The following DYNC2H1 variants were observed in gnomAD, a reference collection of about 807,000 sequenced individuals.
The protein encoded by DYNC2H1 is cytoplasmic dynein 2 heavy chain 1.
Under a neutral mutation model 570.0 loss-of-function variants are expected in DYNC2H1, and 410 were observed. The observed-to-expected ratio is 0.72, with a 90% CI of 0.66 to 0.78. DYNC2H1 has a LOEUF of 0.78. Among genes scored for constraint, DYNC2H1 ranks in the 30% least tolerant of loss-of-function variants. The pLI, the probability that DYNC2H1 is intolerant of heterozygous loss-of-function variation, is 0.00. For synonymous variants in DYNC2H1, 1,688 were observed against 1,677.6 expected (o/e 1.01, Z -0.15); for missense variants, 4,865 against 5,046.4 (o/e 0.96, Z 1.09).
rs767017258 is a variant in DYNC2H1 at position 103,135,708 on chromosome 11, A to T, written c.2346-12A>T. 4 of 1,604,462 alleles carry T rather than the reference A, an allele frequency of 2.5e-6. No homozygotes were observed. Among genetic ancestry groups the T allele is most frequent in the Non-Finnish European group, 2.6e-6 (3 of 1,175,130 alleles). ...AACAATTTATGTTTTAAAGTTATTT[A>T]TTTACTTTTAGACAGGGACGATTAC... On this transcript the variant is annotated splice_polypyrimidine_tract_variant and intron_variant, in intron 16 of 88. Coordinates refer to ENST00000375735, the MANE Select transcript of DYNC2H1 (RefSeq NM_001377.3).
At chr11:103,361,944 A>C (rs1015629111) in intron 83 of DYNC2H1, among the ~76,000 whole-genome samples, 1 of 152,226 alleles carries the variant, frequency 6.6e-6, no homozygotes, top group Non-Finnish European at 1.5e-5. Flanking sequence ...AAAAGTGGTC[A>C]CTGGTGACCT....
At chr11:103,404,975 T>A (rs1459911486) in intron 84 of DYNC2H1, 1 of 151,978 alleles carries the variant, frequency 6.6e-6, no homozygotes, top group Non-Finnish European at 1.5e-5. Context: ...ACTGTAAATA[T>A]ATGGTGAGCT....
Position 103,264,797 on chromosome 11 carries a change from G to A in DYNC2H1, c.10695+4820G>A, listed in dbSNP as rs1280701492. Among the ~76,000 whole-genome samples the A allele has an allele frequency of 6.6e-6, 1 of 152,144 alleles. No individual in the cohort carries two copies. The highest frequency in any genetic ancestry group is 1.5e-5 in the Non-Finnish European group (1 of 68,020). ...GGCAAAAGCTGGAAGCATTCCCTTTGAAAACCAGCACATGATAAGGATGCC... is the reference window on the plus strand; with the variant it reads ...GGCAAAAGCTGGAAGCATTCCCTTTAAAAACCAGCACATGATAAGGATGCC... On this transcript the variant is annotated intron_variant, in intron 70 of 88. Coordinates refer to ENST00000375735, the MANE Select transcript of DYNC2H1 (RefSeq NM_001377.3). This position sits in a 1 kb window ranked among gnomAD's most constrained non-coding sequence, Gnocchi z 4.8.
At chr11:103,368,752 G>T (rs141251429) in intron 83 of DYNC2H1, among the ~76,000 whole-genome samples, 1,705 of 152,090 alleles carry the variant, frequency 0.011, 34 homozygotes, top group African/African-American at 0.039. Context: ...TTTTATTTTT[G>T]TATATAATGA....
intron 84 of DYNC2H1, chr11:103,408,032 G>A (rs1353399119): frequency 6.6e-6 from 1 of 151,964 alleles, no homozygotes; most frequent in East Asian, 1.9e-4. Context: ...CCTGATCATA[G>A]AATAGATGGC....
rs925110985 is a variant in DYNC2H1 at position 103,204,979 on chromosome 11, T to C, written c.8454+15T>C. The C allele has an allele frequency of 3.9e-6, 6 of 1,540,040 alleles. No individual in the cohort carries two copies. In the African/African-American group the frequency reaches 5.5e-5, roughly 14 times the overall value. ...GTATGAAGAAAGTAAGTTTAACAAA[T>C]ATTAAAAAATTTAAAAGCACATTTT... On this transcript the variant is annotated intron_variant, in intron 52 of 88. Coordinates refer to ENST00000375735, the MANE Select transcript of DYNC2H1 (RefSeq NM_001377.3). This position sits in a 1 kb window ranked among gnomAD's most constrained non-coding sequence, Gnocchi z 4.1.
chr11:103,121,062 T>G lies in DYNC2H1; in HGVS notation c.1360+26T>G, dbSNP rs1333602784. The G allele has an allele frequency of 5.0e-6, 7 of 1,389,496 alleles. No individual in the cohort carries two copies. The South Asian group carries it at 1.1e-4, about 22-fold the overall frequency. 86.1% of individuals were successfully genotyped at this position (1,389,496 alleles called of 1,614,324 possible). On this transcript the variant is annotated intron_variant, in intron 9 of 88. Transcript: ENST00000375735. ...GTAAAAGTTTATGAGATTATAGTGTTTGCTTGAGAGAATATTTTTGTATAT... is the reference window on the plus strand; with the variant it reads ...GTAAAAGTTTATGAGATTATAGTGTGTGCTTGAGAGAATATTTTTGTATAT...
rs567631259 is a variant in DYNC2H1, at chr11:103,278,472, T to C, written c.10696-1876T>C. On this transcript the variant is annotated intron_variant, in intron 70 of 88. Coordinates refer to ENST00000375735, the MANE Select transcript of DYNC2H1 (RefSeq NM_001377.3). ...AGAAGGAAACTGAGGTCAAGAGAGATGATGTAATTTGTTTCTGGCTAAGGT... is the reference window on the plus strand; with the variant it reads ...AGAAGGAAACTGAGGTCAAGAGAGACGATGTAATTTGTTTCTGGCTAAGGT... Among the ~76,000 whole-genome samples, 31 of 152,248 alleles carry C rather than the reference T, an allele frequency of 2.0e-4. No homozygotes were observed. The East Asian group carries it at 5.4e-3, about 27-fold the overall frequency.
intron 47 of DYNC2H1, 69 bp downstream of exon 47, chr11:103,192,333 G>A (rs1474736763): frequency 3.3e-6 from 4 of 1,227,694 alleles, no homozygotes; most frequent in Non-Finnish European, 3.2e-6. Context: ...CTTACCCAGA[G>A]CATGATTTTA....
intron 85 of DYNC2H1, among the ~76,000 whole-genome samples, chr11:103,448,164 A>T (rs923580712): frequency 6.6e-6 from 1 of 152,152 alleles, no homozygotes; most frequent in Non-Finnish European, 1.5e-5. Context: ...AAATTAGGAT[A>T]TTACGTTTAA....
intron 47 of DYNC2H1, among the ~76,000 whole-genome samples, chr11:103,197,298 A>G (rs528347474): frequency 1.2e-3 from 182 of 152,210 alleles, no homozygotes; most frequent in Non-Finnish European, 2.0e-3. Flanking sequence ...CAAACTGAGA[A>G]TAGACAGTGG....
intron 83 of DYNC2H1, among the ~76,000 whole-genome samples, chr11:103,375,615 T>C (rs941917825): frequency 4.6e-5 from 7 of 152,240 alleles, no homozygotes; most frequent in African/African-American, 1.7e-4. Context: ...CAAAGGAGAT[T>C]GTTTTGGAAC....
intron 40 of DYNC2H1, 97 bp from the exon 41 acceptor site, chr11:103,184,799 T>C: frequency 7.7e-7 from 1 of 1,293,622 alleles, no homozygotes; most frequent in South Asian, 1.9e-5. Context: ...TTAAAAATGG[T>C]TCTTGAAAAG....
At chr11:103,167,711 T>C (rs1861389033) in intron 31 of DYNC2H1, among the ~76,000 whole-genome samples, 1 of 152,206 alleles carries the variant, frequency 6.6e-6, no homozygotes, top group Non-Finnish European at 1.5e-5. Flanking sequence ...ACCATGGATA[T>C]TTTGAATATT....
intron 87 of DYNC2H1, among the ~76,000 whole-genome samples, chr11:103,460,206 T>C (rs1007789463): frequency 6.6e-6 from 1 of 152,006 alleles, no homozygotes; most frequent in Non-Finnish European, 1.5e-5. Flanking sequence ...GTACCTTGGC[T>C]ATTACTGGTG....
rs955229203 is a variant in DYNC2H1, at chr11:103,395,822, C to T, written c.12157-3841C>T. 2.0e-5 allele frequency among the ~76,000 whole-genome samples: 3 copies of T among 152,062 alleles called. No homozygotes were observed. Among genetic ancestry groups the T allele is most frequent in the Non-Finnish European group, 4.4e-5 (3 of 68,020 alleles). The stretch of plus-strand genomic sequence containing the variant: ...TCTTCCAGAACTCTGTGGACTAAGA[C>T]TTGGGAAAGGCTTCTGCCCAGACGA... On this transcript the variant is annotated intron_variant, in intron 83 of 88. Transcript: ENST00000375735. This position sits in a 1 kb window ranked among gnomAD's most constrained non-coding sequence, Gnocchi z 4.3.
At chr11:103,425,763 C>G (rs1943648317) in intron 84 of DYNC2H1, among the ~76,000 whole-genome samples, 1 of 149,820 alleles carries the variant, frequency 6.7e-6, no homozygotes, top group South Asian at 2.1e-4. Context: ...CTGGTTCAAT[C>G]ACATTACTGG....
At chr11:103,257,056 G>A (rs1229090231) in intron 68 of DYNC2H1, among the ~76,000 whole-genome samples, 4 of 152,150 alleles carry the variant, frequency 2.6e-5, no homozygotes, top group Non-Finnish European at 4.4e-5. Context: ...AAATTCATAT[G>A]TGGAAATGTA....
intron 61 of DYNC2H1, 28 bp downstream of exon 61, chr11:103,234,188 G>T (rs1178664255): frequency 1.3e-6 from 2 of 1,565,798 alleles, no homozygotes; most frequent in African/African-American, 2.7e-5. Context: ...GCCATGAGGA[G>T]TCTACCTTTA....
Sources: gnomAD v4.1 joint callset for allele counts (sites outside exome capture counted in the v4.1 genomes callset) on GRCh38, gnomAD v4.1.1 for gene constraint, Gnocchi (gnomAD v3.1) non-coding constraint, MANE v1.5 for transcripts, NCBI Gene and HGNC (gene_info 2026-07-23, HGNC 2026-07-21) for gene names.